TJP1: variants seen among roughly 807,000 people sequenced by gnomAD.
The protein encoded by TJP1 is tight junction protein 1.
In TJP1, 43 loss-of-function variants were observed where a neutral mutation model predicts 194.2. That is an observed-to-expected ratio of 0.22 (90% CI 0.17 to 0.29). The LOEUF (loss-of-function observed/expected upper bound fraction) is 0.29, where lower values mean the gene tolerates loss of function less well. Among genes scored for constraint, TJP1 ranks in the 10% least tolerant of loss-of-function variants. TJP1 has a pLI of 1.00. For missense variants in TJP1, 1,971 were observed against 2,185.7 expected (o/e 0.90, Z 1.96); for synonymous variants, 801 against 779.0 (o/e 1.03, Z -0.47).
chr15:29,723,109 G>T (rs2043031366), intron 18 of TJP1, among the ~76,000 whole-genome samples: 1 of 152,156 alleles, frequency 6.6e-6, no homozygotes, highest in Non-Finnish European at 1.5e-5. Context: ...AGTTAATGCT[G>T]AAATGAGTTA....
At chr15:29,887,003 C>T (rs1431096284) in intron 2 of TJP1, among the ~76,000 whole-genome samples, 7 of 151,604 alleles carry the variant, frequency 4.6e-5, no homozygotes, top group African/African-American at 1.2e-4. Flanking sequence ...ACATGTAAGC[C>T]GTGTGGCACA....
intron 2 of TJP1, among the ~76,000 whole-genome samples, chr15:29,950,474 C>A (rs377525965): frequency 1.3e-5 from 2 of 152,376 alleles, no homozygotes; most frequent in East Asian, 3.9e-4. Context: ...TCCACCATGA[C>A]CTCCACCTCC....
chr15:29,961,014 C>T (rs1172174519), intron 1 of TJP1, among the ~76,000 whole-genome samples: 1 of 152,058 alleles, frequency 6.6e-6, no homozygotes, highest in Admixed American at 6.6e-5. Context: ...AAATATTTGT[C>T]TTGGGGAGGG....
chr15:29,930,913 A>T (rs192570901), intron 2 of TJP1, among the ~76,000 whole-genome samples: 5 of 152,320 alleles, frequency 3.3e-5, no homozygotes, highest in Non-Finnish European at 5.9e-5. Flanking sequence ...TCTAGACATG[A>T]GCATAAAAAT....
chr15:29,965,649 A>G (rs2056307827), intron 1 of TJP1, among the ~76,000 whole-genome samples: 1 of 152,214 alleles, frequency 6.6e-6, no homozygotes, highest in Non-Finnish European at 1.5e-5. Context: ...ATGGTGCCTT[A>G]TGTCTCCAAT....
At chr15:29,788,074 C>T (rs529805841) in intron 2 of TJP1, among the ~76,000 whole-genome samples, 1 of 152,294 alleles carries the variant, frequency 6.6e-6, no homozygotes, top group South Asian at 2.1e-4. Flanking sequence ...TGATACTGAA[C>T]ATCTTTTCAT....
chr15:29,798,501 AT>A (rs2048563696), intron 2 of TJP1, among the ~76,000 whole-genome samples: 2 of 152,066 alleles, frequency 1.3e-5, no homozygotes, highest in South Asian at 4.1e-4. Context: ...TGAATTTTGC[AT>A]TTTAGATTTC....
intron 2 of TJP1, among the ~76,000 whole-genome samples, chr15:29,928,881 G>A (rs1439908565): frequency 6.6e-6 from 1 of 152,090 alleles, no homozygotes; most frequent in Non-Finnish European, 1.5e-5. Flanking sequence ...GGCGGAGCTT[G>A]CAGTGAGCCG....
Position 29,941,575 on chromosome 15 carries a change from CT to C in TJP1, c.306+14656del, listed in dbSNP as rs1191540527. On this transcript the variant is annotated intron_variant, in intron 2 of 28. Transcript: ENST00000356107. ...GTGTGAGCTCCATCTCCGGTCCCCCCTCTGCCCCCTCAACACCTCCCCACTT... is the reference window on the plus strand; with the variant it reads ...GTGTGAGCTCCATCTCCGGTCCCCCCCTGCCCCCTCAACACCTCCCCACTT... Among the ~76,000 whole-genome samples the C allele has an allele frequency of 7.2e-5, 11 of 152,274 alleles. No homozygotes were observed. The East Asian group carries it at 1.4e-3, about 19-fold the overall frequency.
intron 2 of TJP1, among the ~76,000 whole-genome samples, chr15:29,799,234 A>G (rs1441062078): frequency 6.6e-6 from 1 of 152,136 alleles, no homozygotes; most frequent in Non-Finnish European, 1.5e-5. Context: ...ATAAGGTAAG[A>G]AGTTATTTTA....
At chr15:29,736,868 G>A (rs561844284) in intron 11 of TJP1, among the ~76,000 whole-genome samples, 1 of 152,310 alleles carries the variant, frequency 6.6e-6, no homozygotes, top group Non-Finnish European at 1.5e-5. Context: ...ATATGGGAGA[G>A]GAACACTTGA....
Position 29,718,915 on chromosome 15 carries a change from T to C in TJP1, c.3227A>G (p.His1076Arg), listed in dbSNP as rs771423699. 1.1e-5 allele frequency: 17 copies of C among 1,614,058 alleles called. No homozygotes were observed. The highest frequency in any genetic ancestry group is 1.3e-5 in the Non-Finnish European group (15 of 1,180,044). ...GACGCGATCTTCGTATCGCAGACGA[T>C]GTTCATAGTTTCGAGAAAACTGGTC... ...YTDQFSRNYE[H>R]RLRYEDRVPM... The change falls in exon 21 of 28, where the codon CAT becomes CGT. Residue 1076 changes from histidine to arginine, a missense_variant. His to Arg is a conservative substitution (Grantham distance 29). Transcript: ENST00000614355.
intron 2 of TJP1, among the ~76,000 whole-genome samples, chr15:29,916,356 C>T (rs17672158): frequency 6.6e-6 from 1 of 151,534 alleles, no homozygotes; most frequent in East Asian, 1.9e-4. Flanking sequence ...CTATGAAATG[C>T]TCTGGGTTGG....
chr15:29,914,084 T>C (rs371778105), intron 2 of TJP1, among the ~76,000 whole-genome samples: 17 of 152,166 alleles, frequency 1.1e-4, no homozygotes, highest in African/African-American at 3.9e-4. Context: ...ATGTAACATA[T>C]AGTATTGGAA....
upstream of TJP1, among the ~76,000 whole-genome samples, chr15:29,825,400 A>T (rs1404509012): frequency 6.6e-6 from 1 of 152,194 alleles, no homozygotes; most frequent in Admixed American, 6.5e-5. Context: ...CTTATTTCTG[A>T]TCATCTCTGC....
chr15:29,744,116 T>C (rs866810250), intron 8 of TJP1, among the ~76,000 whole-genome samples: 13 of 152,048 alleles, frequency 8.5e-5, no homozygotes, highest in Non-Finnish European at 4.4e-5. Context: ...GAGGCAGAGG[T>C]TGCAGTGAGC....
rs45491995 is a variant in TJP1, at chr15:29,821,620, C to A, written c.27+382G>T. 643 of 152,446 alleles carry A rather than the reference C, an allele frequency of 4.2e-3. 6 individuals carry two copies. Among genetic ancestry groups the A allele is most frequent in the Non-Finnish European group, 6.2e-3 (425 of 68,176 alleles). 9.4% of individuals were successfully genotyped at this position (152,446 alleles called of 1,614,324 possible). ...GGCCAGCAGGAGGTGGCACCCCAAGCCCCGACCCGCTGAGAGCCGGCTTCC... is the reference window on the plus strand; with the variant it reads ...GGCCAGCAGGAGGTGGCACCCCAAGACCCGACCCGCTGAGAGCCGGCTTCC... On this transcript the variant is annotated intron_variant, in intron 1 of 27. Coordinates refer to ENST00000614355, the MANE Select transcript of TJP1 (RefSeq NM_001330239.4).
chr15:29,829,471 C>A (rs1007788804), intron 2 of TJP1, among the ~76,000 whole-genome samples: 11 of 152,106 alleles, frequency 7.2e-5, no homozygotes, highest in African/African-American at 2.4e-4. Context: ...ATTTCTGATT[C>A]AGTTCAGGAA....
intron 2 of TJP1, among the ~76,000 whole-genome samples, chr15:29,919,041 G>A (rs986651169): frequency 5.9e-5 from 9 of 152,118 alleles, no homozygotes; most frequent in South Asian, 2.1e-4. Flanking sequence ...TCACCATGCC[G>A]GGAATAAAGA....
Sources: allele counts gnomAD v4.1 joint callset (sites outside exome capture counted in the v4.1 genomes callset), GRCh38; gene constraint gnomAD v4.1.1; transcripts MANE v1.5; gene names NCBI Gene and HGNC (gene_info 2026-07-23, HGNC 2026-07-21).